Variants in CPXCR1 observed in about 807,000 individuals in gnomAD.
CPXCR1 encodes the protein CPX chromosomal region candidate gene 1 protein.
Under a neutral mutation model 13.8 loss-of-function variants are expected in CPXCR1, and 15 were observed. The ratio of observed to expected loss-of-function variants is 1.09; its 90% CI spans 0.73 to 1.67. The LOEUF (loss-of-function observed/expected upper bound fraction) is 1.67. CPXCR1 is among the 40% of genes most tolerant of loss of function. The probability of loss-of-function intolerance (pLI) is 0.00; values close to 1 mark genes in which losing one functional copy is unlikely to be tolerated. For missense variants in CPXCR1, 247 were observed against 223.6 expected, an observed-to-expected ratio of 1.10 and a Z score of -0.67; for synonymous variants, 70 against 76.7, an observed-to-expected ratio of 0.91 and a Z score of 0.46.
chrX:88,750,887 G>T (rs1372492550), intron 2 of CPXCR1, among the ~76,000 whole-genome samples: 2 of 111,937 alleles, frequency 1.8e-5, no homozygotes, highest in East Asian at 5.6e-4. Context: ...TTCTCTGGTA[G>T]TAGTTTGTAT....
intron 1 of CPXCR1, among the ~76,000 whole-genome samples, chrX:88,748,333 A>T (rs1451165137): frequency 9.2e-6 from 1 of 108,317 alleles, no homozygotes; most frequent in East Asian, 2.8e-4. Flanking sequence ...TAATGTATAT[A>T]TATTTTTAGT....
At position 88,748,525 on chromosome X, in the gene CPXCR1, A is replaced by G. The variant is rs1030794648; in HGVS notation, c.-114-793A>G. Reference sequence around the variant, plus strand: ...GACATATGATTGTTGACTATTTCCAAACATATGTCCAAACATTAAATAATA... The same window carrying G: ...GACATATGATTGTTGACTATTTCCAGACATATGTCCAAACATTAAATAATA... On this transcript the variant is annotated intron_variant, in intron 1 of 2. Coordinates refer to ENST00000276127, the MANE Select transcript of CPXCR1 (RefSeq NM_033048.6). Among the ~76,000 whole-genome samples, 43 of 110,718 alleles carry G rather than the reference A, an allele frequency of 3.9e-4. 1 individual carries two copies. Among genetic ancestry groups the G allele is most frequent in the African/African-American group, 1.4e-3 (42 of 30,577 alleles).
Position 88,754,123 on chromosome X carries a change from C to G in CPXCR1, c.709C>G (p.Leu237Val), listed in dbSNP as rs747591703. 2 of 1,201,753 alleles carry G rather than the reference C, an allele frequency of 1.7e-6. No homozygotes were observed. The highest frequency in any genetic ancestry group is 1.8e-5 in the South Asian group (1 of 56,389). The change falls in exon 3 of 3, where the codon CTC becomes GTC. Residue 237 changes from leucine (L) to valine (V), a missense_variant. Transcript: ENST00000276127. ...ATTCCGTGCTATTGTGAGGTCTGTGCTCTTTGTGTCACAGATACAAATTGA... is the reference window on the plus strand; with the variant it reads ...ATTCCGTGCTATTGTGAGGTCTGTGGTCTTTGTGTCACAGATACAAATTGA... ...CRFRAIVRSV[L>V]FVSQIQIESI...
rs1336603511 is a variant in CPXCR1 at position 88,754,367 on chromosome X, T to C, written c.*47T>C. 2 of 870,591 alleles carry C rather than the reference T, an allele frequency of 2.3e-6. No homozygotes were observed. Among genetic ancestry groups the C allele is most frequent in the Non-Finnish European group, 3.2e-6 (2 of 630,479 alleles). The allele number at this position is 870,591 out of a possible 1,213,427, so 71.7% of individuals were successfully genotyped here. On this transcript the variant is annotated 3_prime_UTR_variant, in exon 3 of 3. Coordinates refer to ENST00000276127, the MANE Select transcript of CPXCR1 (RefSeq NM_033048.6). ...TTTAAAATATAACTTCTAAAATTCA[T>C]AATTTGACTACTAAAGTAAGACAAA...
intron 2 of CPXCR1, among the ~76,000 whole-genome samples, chrX:88,750,988 G>A (rs750998578): frequency 2.7e-5 from 3 of 110,358 alleles, no homozygotes; most frequent in South Asian, 3.8e-4. Flanking sequence ...TCTGGCTAGC[G>A]GTCTATCTAT....
At position 88,754,776 on chromosome X, in the gene CPXCR1, G is replaced by C. The variant is rs1395987539; in HGVS notation, c.*456G>C. On this transcript the variant is annotated 3_prime_UTR_variant, in exon 3 of 3. Transcript: ENST00000276127. ...TATATTCAATAAAAACCAATTTGAA[G>C]ACATAGAAAGTTGTATTGTATATTT... 2 of 123,691 alleles carry C rather than the reference G, an allele frequency of 1.6e-5. No individual in the cohort carries two copies. The highest frequency in any genetic ancestry group is 9.6e-5 in the Admixed American group (1 of 10,465). The allele number at this position is 123,691 out of a possible 1,213,427, so 10.2% of individuals were successfully genotyped here. A position where few individuals can be genotyped will look rare whatever the true frequency, so the allele number is the denominator to read the frequency against.
chrX:88,754,509 T>G lies in CPXCR1; in HGVS notation c.*189T>G. ...AGTGAGGAAACATCTGTTTATACTTTGCTTTTACAAGTACATCATTGAAAT... is the reference window on the plus strand; with the variant it reads ...AGTGAGGAAACATCTGTTTATACTTGGCTTTTACAAGTACATCATTGAAAT... On this transcript the variant is annotated 3_prime_UTR_variant, in exon 3 of 3. Transcript: ENST00000276127. 2.9e-6 allele frequency: 1 copy of G among 344,381 alleles called. No individual in the cohort carries two copies. The highest frequency in any genetic ancestry group is 1.1e-4 in the South Asian group (1 of 8,839). 28.4% of individuals were successfully genotyped at this position (344,381 alleles called of 1,213,427 possible).
At chrX:88,752,509 TATTTTATTTATCC>T (rs1326466466) in intron 2 of CPXCR1, among the ~76,000 whole-genome samples, 2 of 101,564 alleles carry the variant, frequency 2.0e-5, no homozygotes, top group African/African-American at 7.2e-5. Context: ...ACATTACTTT[TATTTTATTTATCC>T]ATTTTATTTA....
At chrX:88,747,467 A>G (rs1266370175) in intron 1 of CPXCR1, 98 bp downstream of exon 1, 1 of 112,414 alleles carries the variant, frequency 8.9e-6, no homozygotes, top group Non-Finnish European at 1.9e-5. Flanking sequence ...GTTGATGTAG[A>G]TCTTATTCTG....
intron 1 of CPXCR1, among the ~76,000 whole-genome samples, chrX:88,749,046 A>G (rs1924850193): frequency 9.5e-6 from 1 of 104,963 alleles, no homozygotes; most frequent in South Asian, 4.6e-4. Flanking sequence ...GTCATTTAGC[A>G]TTAGGTATAT....
At position 88,754,480 on chromosome X, in the gene CPXCR1, G is replaced by T. The variant is rs909877717; in HGVS notation, c.*160G>T. On this transcript the variant is annotated 3_prime_UTR_variant, in exon 3 of 3. Transcript: ENST00000276127. Reference sequence around the variant, plus strand: ...GTACCTCTCAGTAAGAAATACCTATGGGGAGTGAGGAAACATCTGTTTATA... The same window carrying T: ...GTACCTCTCAGTAAGAAATACCTATTGGGAGTGAGGAAACATCTGTTTATA... The T allele has an allele frequency of 2.1e-5, 8 of 381,202 alleles. No homozygotes were observed. The highest frequency in any genetic ancestry group is 3.7e-5 in the Non-Finnish European group (8 of 217,904). The allele number at this position is 381,202 out of a possible 1,213,427, so 31.4% of individuals were successfully genotyped here.
chrX:88,750,326 A>G (rs1341012234), intron 2 of CPXCR1, among the ~76,000 whole-genome samples: 2 of 111,653 alleles, frequency 1.8e-5, no homozygotes, highest in Non-Finnish European at 3.8e-5. Context: ...ATCTATTGAG[A>G]TAATCATGTG....
rs373032572 is a variant in CPXCR1 at position 88,753,950 on chromosome X, C to G, written c.536C>G (p.Ala179Gly). The change falls in exon 3 of 3, where the codon GCA becomes GGA. Residue 179 changes from alanine (A) to glycine (G), a missense_variant. Physicochemically the swap from Ala to Gly is moderately conservative, Grantham distance 60. Transcript: ENST00000276127. ...NTMWVKRKYIACLYHPNSFTH... is the reference protein window; with the variant it reads ...NTMWVKRKYIGCLYHPNSFTH... ...ATGTGGGTAAAGCGAAAATATATAG[C>G]ATGTCTTTACCATCCAAATAGTTTC... The G allele has an allele frequency of 8.3e-6, 10 of 1,207,797 alleles. No individual in the cohort carries two copies. The highest frequency in any genetic ancestry group is 1.1e-5 in the Non-Finnish European group (10 of 893,818).
At chrX:88,748,626 T>C (rs1391365917) in intron 1 of CPXCR1, among the ~76,000 whole-genome samples, 2 of 111,111 alleles carry the variant, frequency 1.8e-5, no homozygotes, top group Non-Finnish European at 3.8e-5. Flanking sequence ...TAATGAGTAA[T>C]AATAAACTTA....
rs186004113 is a variant in CPXCR1 at position 88,748,039 on chromosome X, T to A, written c.-115+670T>A. On this transcript the variant is annotated intron_variant, in intron 1 of 2. Coordinates refer to ENST00000276127, the MANE Select transcript of CPXCR1 (RefSeq NM_033048.6). The stretch of plus-strand genomic sequence containing the variant: ...TTCTCAACAGGTCATTATGTAAAAA[T>A]CTTGGTCAGAAGAGAATATTTGAAA... Among the ~76,000 whole-genome samples the A allele has an allele frequency of 6.3e-5, 7 of 111,581 alleles. No homozygotes were observed. The East Asian group carries it at 2.0e-3, about 31-fold the overall frequency.
At chrX:88,750,062 C>A (rs746896064) in intron 2 of CPXCR1, among the ~76,000 whole-genome samples, 2 of 110,225 alleles carry the variant, frequency 1.8e-5, no homozygotes, top group African/African-American at 3.3e-5. Flanking sequence ...TTTGAATGCC[C>A]TTTCTTTCTC....
At chrX:88,752,524 T>TTTTA (rs58707373) in intron 2 of CPXCR1, among the ~76,000 whole-genome samples, 6,103 of 96,837 alleles carry the variant, frequency 0.063, 182 homozygotes, top group African/African-American at 0.074. Flanking sequence ...TATTTATCCA[T>TTTTA]TTTATTTATT....
Position 88,753,577 on chromosome X carries a change from A to G in CPXCR1, c.163A>G (p.Thr55Ala). The G allele has an allele frequency of 8.3e-7, 1 of 1,209,108 alleles. No homozygotes were observed. Among genetic ancestry groups the G allele is most frequent in the Non-Finnish European group, 1.1e-6 (1 of 894,601 alleles). Residue 55 changes from threonine (T) to alanine (A), a missense_variant, in exon 3 of 3, where the codon ACA becomes GCA. Coordinates refer to ENST00000276127, the MANE Select transcript of CPXCR1 (RefSeq NM_033048.6). ...CAACCCAATAAACAGGGAGCCAGGC[A>G]CAGCAACCTCCCAGGAAGATGTTGT... is the stretch of plus-strand genomic sequence containing the variant. ...ETNPINREPG[T>A]ATSQEDVVPQ...
chrX:88,750,075 G>T (rs373174692), intron 2 of CPXCR1, among the ~76,000 whole-genome samples: 1 of 110,402 alleles, frequency 9.1e-6, no homozygotes, highest in East Asian at 2.8e-4. Flanking sequence ...TCTTTCTCTC[G>T]CCTGATTGCC....
Sources: allele counts gnomAD v4.1 joint callset (sites outside exome capture counted in the v4.1 genomes callset), GRCh38; gene constraint gnomAD v4.1.1; transcripts MANE v1.5; gene names NCBI Gene and HGNC (gene_info 2026-07-23, HGNC 2026-07-21).